The following CFAP210 variants were observed in gnomAD, a reference collection of about 807,000 sequenced individuals.
CFAP210 encodes the protein cilia- and flagella- associated protein 210.
At chr2:169,683,675 G>A in the CFAP210 span, among the ~76,000 whole-genome samples, 3 of 152,198 alleles carry the variant, frequency 2.0e-5, no homozygotes, top group Admixed American at 6.5e-5. Flanking sequence ...CCTTGGCAGC[G>A]GTGGCAGGAG....
the CFAP210 span, chr2:169,658,112 C>T: frequency 2.0e-5 from 3 of 152,036 alleles, no homozygotes; most frequent in Admixed American, 1.3e-4. Context: ...TTCAGGAAAT[C>T]AGAGATTTAG....
the CFAP210 span, among the ~76,000 whole-genome samples, chr2:169,667,962 G>T: frequency 6.6e-6 from 1 of 152,114 alleles, no homozygotes; most frequent in African/African-American, 2.4e-5. Context: ...GAGTCAGTCT[G>T]CCCTTTGAAG....
chr2:169,691,031 A>G, the CFAP210 span, among the ~76,000 whole-genome samples: 17 of 152,076 alleles, frequency 1.1e-4, no homozygotes, highest in Non-Finnish European at 1.5e-5. Context: ...AGTTACATTT[A>G]TGTTGGCATA....
the CFAP210 span, among the ~76,000 whole-genome samples, chr2:169,685,911 CA>C: frequency 5.9e-5 from 9 of 152,116 alleles, no homozygotes; most frequent in African/African-American, 2.2e-4. Context: ...TGTCAAAACC[CA>C]CTTAGTATAG....
At chr2:169,649,285 G>C in the CFAP210 span, 6,842 of 1,613,558 alleles carry the variant, frequency 4.2e-3, 245 homozygotes, top group African/African-American at 0.078. Flanking sequence ...TTTCATGACA[G>C]CCAGCAATTG....
the CFAP210 span, among the ~76,000 whole-genome samples, chr2:169,679,702 A>AAT: frequency 6.7e-6 from 1 of 149,814 alleles, no homozygotes; most frequent in East Asian, 1.9e-4. Flanking sequence ...AAAAAAAAAA[A>AAT]AGGTGCCAGT....
chr2:169,666,506 CTTTA>C, the CFAP210 span, among the ~76,000 whole-genome samples: 7 of 150,124 alleles, frequency 4.7e-5, no homozygotes, highest in East Asian at 2.1e-4. Flanking sequence ...TATGCCTGTA[CTTTA>C]TTTGTTTGTT....
chr2:169,651,634 T>G, the CFAP210 span, among the ~76,000 whole-genome samples: 1 of 151,896 alleles, frequency 6.6e-6, no homozygotes, highest in Non-Finnish European at 1.5e-5. Context: ...GGATTACAGG[T>G]GTGAGCCACT....
chr2:169,646,171 C>A, the CFAP210 span: 1 of 1,606,550 alleles, frequency 6.2e-7, no homozygotes, highest in Non-Finnish European at 8.5e-7. Flanking sequence ...TTGCATTAAA[C>A]TTATTTTTGG....
the CFAP210 span, chr2:169,681,310 T>C: frequency 3.8e-6 from 4 of 1,063,172 alleles, no homozygotes; most frequent in South Asian, 5.4e-5. Context: ...AGTTCCGATA[T>C]TGGCATGATA....
At chr2:169,656,512 G>A in the CFAP210 span, among the ~76,000 whole-genome samples, 84 of 151,980 alleles carry the variant, frequency 5.5e-4, no homozygotes, top group African/African-American at 1.9e-3. Flanking sequence ...GGAGGAGGAG[G>A]AGGAGGAGGA....
At chr2:169,669,216 G>C in the CFAP210 span, among the ~76,000 whole-genome samples, 2 of 152,088 alleles carry the variant, frequency 1.3e-5, no homozygotes, top group Non-Finnish European at 2.9e-5. Context: ...GAAAACATGA[G>C]GCAAGCAAGA....
chr2:169,673,866 T>G, the CFAP210 span, among the ~76,000 whole-genome samples: 3 of 152,204 alleles, frequency 2.0e-5, no homozygotes, highest in Non-Finnish European at 4.4e-5. Context: ...AAATTTTATT[T>G]CAATAAGGCT....
At chr2:169,662,548 G>A in the CFAP210 span, 1 of 921,446 alleles carries the variant, frequency 1.1e-6, no homozygotes, top group Non-Finnish European at 1.6e-6. Flanking sequence ...GGAAAAATCT[G>A]TGAATTTCTT....
the CFAP210 span, among the ~76,000 whole-genome samples, chr2:169,660,042 T>C: frequency 6.6e-6 from 1 of 152,122 alleles, no homozygotes; most frequent in African/African-American, 2.4e-5. Flanking sequence ...CTTCTCTTTT[T>C]TTCTTAATCT....
the CFAP210 span, among the ~76,000 whole-genome samples, chr2:169,682,601 T>C: frequency 6.6e-6 from 1 of 152,176 alleles, no homozygotes; most frequent in African/African-American, 2.4e-5. Context: ...TGTCCCATGC[T>C]TGCACTCTAA....
the CFAP210 span, chr2:169,649,039 A>G: frequency 1.6e-6 from 1 of 635,100 alleles, no homozygotes. Flanking sequence ...CAAACCTCAC[A>G]TTTTTAATAC....
At chr2:169,662,083 T>C in the CFAP210 span, among the ~76,000 whole-genome samples, 1 of 152,216 alleles carries the variant, frequency 6.6e-6, no homozygotes, top group Non-Finnish European at 1.5e-5. Flanking sequence ...AGATTTGAAA[T>C]GTTCCCAACA....
chr2:169,649,153 C>T, the CFAP210 span: 1 of 1,543,600 alleles, frequency 6.5e-7, no homozygotes, highest in Non-Finnish European at 8.8e-7. Context: ...TTATTACTAA[C>T]ATAATTATAA....
Sources: gnomAD v4.1 joint callset for allele counts (sites outside exome capture counted in the v4.1 genomes callset) on GRCh38, gnomAD v4.1.1 for gene constraint, MANE v1.5 for transcripts, NCBI Gene and HGNC (gene_info 2026-07-23, HGNC 2026-07-21) for gene names.